The following COL9A2 variants were observed in gnomAD, a reference collection of about 807,000 sequenced individuals.
COL9A2 encodes the protein collagen alpha-2(IX) chain.
COL9A2 carries 66 observed loss-of-function variants against 111.6 expected under a neutral mutation model. The ratio of observed to expected loss-of-function variants is 0.59; its 90% CI spans 0.48 to 0.73. COL9A2 has a LOEUF of 0.73. Among genes scored for constraint, COL9A2 ranks in the 30% least tolerant of loss-of-function variants. The pLI is 0.00. For synonymous variants in COL9A2, 353 were observed against 364.1 expected (o/e 0.97, Z 0.35); for missense variants, 881 against 954.1 (o/e 0.92, Z 1.01).
chr1:40,302,887 TTCCGATG>T lies in COL9A2; in HGVS notation c.1604-85_1604-79del. 4.3e-6 allele frequency: 6 copies of T among 1,405,464 alleles called. No homozygotes were observed. The highest frequency in any genetic ancestry group is 5.9e-6 in the Non-Finnish European group (6 of 1,025,132). The allele number at this position is 1,405,464 out of a possible 1,614,324, so 87.1% of individuals were successfully genotyped here. ...CAGTAACACTAGGGGAGGCAGAGCATTCCGATGGGCCCTGGCCCCTAGGTTTGCAGAC... is the reference window on the plus strand; with the variant it reads ...CAGTAACACTAGGGGAGGCAGAGCATGGCCCTGGCCCCTAGGTTTGCAGAC... On this transcript the variant is annotated intron_variant, in intron 29 of 31. Transcript: ENST00000372748. The surrounding 1 kb of genome is among the most constrained non-coding windows in gnomAD (Gnocchi z 4.5).
Position 40,310,089 on chromosome 1 carries a change from A to G in COL9A2, c.792+22T>C, listed in dbSNP as rs1644096857. 2 of 1,613,856 alleles carry G rather than the reference A, an allele frequency of 1.2e-6. No homozygotes were observed. The highest frequency in any genetic ancestry group is 3.3e-5 in the Admixed American group (2 of 60,026). On this transcript the variant is annotated intron_variant, in intron 15 of 31. Coordinates refer to ENST00000372748, the MANE Select transcript of COL9A2 (RefSeq NM_001852.4). The surrounding 1 kb of genome is among the most constrained non-coding windows in gnomAD (Gnocchi z 4.9). ...CTGTAGGAGCTCCAGCCTCAGGGGT[A>G]GGGGAGCAAAAAGAGGCTTACCGGT...
Position 40,317,272 on chromosome 1 carries a change from C to T in COL9A2, c.-75G>A. On this transcript the variant is annotated 5_prime_UTR_variant, in exon 1 of 32. Transcript: ENST00000372748. The surrounding 1 kb of genome is among the most constrained non-coding windows in gnomAD (Gnocchi z 4.3). ...ACGGCAGAGTCTCCCGGCGCTCCTCCAGCGCTGGCTGTTCGCGGGCAGGGT... is the reference window on the plus strand; with the variant it reads ...ACGGCAGAGTCTCCCGGCGCTCCTCTAGCGCTGGCTGTTCGCGGGCAGGGT... 2 of 1,094,764 alleles carry T rather than the reference C, an allele frequency of 1.8e-6. No homozygotes were observed. The highest frequency in any genetic ancestry group is 2.1e-5 in the Admixed American group (1 of 47,884). 67.8% of individuals were successfully genotyped at this position (1,094,764 alleles called of 1,614,324 possible).
At position 40,312,647 on chromosome 1, in the gene COL9A2, TC is replaced by T. The variant is rs1190450529; in HGVS notation, c.304-39del. On this transcript the variant is annotated intron_variant, in intron 5 of 31. Transcript: ENST00000372748. The surrounding 1 kb of genome is among the most constrained non-coding windows in gnomAD (Gnocchi z 6.0). Reference sequence around the variant, plus strand: ...CGAGAAAGGCTCAGAGGCTGGGGTTTCCCCGGCTCCTACTTCCTCTCTACAG... The same window carrying T: ...CGAGAAAGGCTCAGAGGCTGGGGTTTCCCGGCTCCTACTTCCTCTCTACAG... 1.2e-6 allele frequency: 2 copies of T among 1,610,264 alleles called. No homozygotes were observed. The highest frequency in any genetic ancestry group is 1.7e-6 in the Non-Finnish European group (2 of 1,178,340).
chr1:40,312,079 T>A lies in COL9A2; in HGVS notation c.397A>T (p.Ile133Phe), dbSNP rs1189456880. ...PPGPVGLPGE[I>F]GIRGPKGDPG... is the part of the protein sequence containing the mutation. Reference sequence around the variant, plus strand: ...CTCACCTTGGGGCCTCGGATTCCAATCTCACCAGGGAGGCCAACAGGTCCA... The same window carrying A: ...CTCACCTTGGGGCCTCGGATTCCAAACTCACCAGGGAGGCCAACAGGTCCA... Residue 133 changes from isoleucine (I) to phenylalanine (F), a missense_variant, in exon 8 of 32, where the codon ATT (isoleucine) becomes TTT (phenylalanine). Transcript: ENST00000372748. This position sits in a 1 kb window ranked among gnomAD's most constrained non-coding sequence, Gnocchi z 6.0. 2.5e-6 allele frequency: 4 copies of A among 1,602,230 alleles called. No homozygotes were observed. The highest frequency in any genetic ancestry group is 1.7e-5 in the Admixed American group (1 of 57,206).
At position 40,310,809 on chromosome 1, in the gene COL9A2, A is replaced by G. The variant is rs1644111602; in HGVS notation, c.631-42T>C. On this transcript the variant is annotated intron_variant, in intron 12 of 31. Coordinates refer to ENST00000372748, the MANE Select transcript of COL9A2 (RefSeq NM_001852.4). This position sits in a 1 kb window ranked among gnomAD's most constrained non-coding sequence, Gnocchi z 4.9. ...AGCTGTCAGACAGGCAGGCAGATGG[A>G]AAGACACATATACAGACAAGCAAAG... 6 of 1,494,010 alleles carry G rather than the reference A, an allele frequency of 4.0e-6. No homozygotes were observed. The highest frequency in any genetic ancestry group is 5.5e-6 in the Non-Finnish European group (6 of 1,094,848). 92.5% of individuals were successfully genotyped at this position (1,494,010 alleles called of 1,614,324 possible). A position where few individuals can be genotyped will look rare whatever the true frequency, so the allele number is the denominator to read the frequency against.
chr1:40,301,176 T>G lies in COL9A2; in HGVS notation c.*6A>C, dbSNP rs775823584. Reference sequence around the variant, plus strand: ...ATGCCTGCCAGGCTCTGTCTGGGCCTGATGCTCAAGGCCCCTTGATGGATC... The same window carrying G: ...ATGCCTGCCAGGCTCTGTCTGGGCCGGATGCTCAAGGCCCCTTGATGGATC... On this transcript the variant is annotated 3_prime_UTR_variant, in exon 32 of 32. Coordinates refer to ENST00000372748, the MANE Select transcript of COL9A2 (RefSeq NM_001852.4). 3.1e-6 allele frequency: 5 copies of G among 1,612,816 alleles called. No individual in the cohort carries two copies. The highest frequency in any genetic ancestry group is 4.2e-6 in the Non-Finnish European group (5 of 1,179,962).
Position 40,303,359 on chromosome 1 carries a change from G to T in COL9A2, c.1548+171C>A, listed in dbSNP as rs1427949292. 6.6e-6 allele frequency among the ~76,000 whole-genome samples: 1 copy of T among 152,124 alleles called. No homozygotes were observed. Among genetic ancestry groups the T allele is most frequent in the Non-Finnish European group, 1.5e-5 (1 of 68,008 alleles). On this transcript the variant is annotated intron_variant, in intron 28 of 31. Transcript: ENST00000372748. This position sits in a 1 kb window ranked among gnomAD's most constrained non-coding sequence, Gnocchi z 4.6. ...GGCCAAGGGCTTACTTGGGAAGGTC[G>T]CGGGGTAATCCCTCAGGCTGCACTC...
intron 30 of COL9A2, 69 bp from the exon 31 acceptor site, chr1:40,301,958 T>C: frequency 6.9e-7 from 1 of 1,455,254 alleles, no homozygotes; most frequent in Non-Finnish European, 9.5e-7. Flanking sequence ...TTTTGCTATG[T>C]TTCACGCAAA....
chr1:40,305,819 G>A (rs1411708487), intron 20 of COL9A2, 51 bp from the exon 21 acceptor site: 1 of 1,554,932 alleles, frequency 6.4e-7, no homozygotes. Context: ...TCAGGCCCTT[G>A]GCCTCAGGGA....
Position 40,312,179 on chromosome 1 carries a change from G to T in COL9A2, c.364-67C>A. ...CAGATACCCTGGGCACAAAGGTAGA[G>T]ACAGGCACCCAAAGCCCGTTTCTCC... is the stretch of plus-strand genomic sequence containing the variant. On this transcript the variant is annotated intron_variant, in intron 7 of 31. Coordinates refer to ENST00000372748, the MANE Select transcript of COL9A2 (RefSeq NM_001852.4). The surrounding 1 kb of genome is among the most constrained non-coding windows in gnomAD (Gnocchi z 6.0). The T allele has an allele frequency of 1.5e-6, 2 of 1,368,688 alleles. No individual in the cohort carries two copies. The highest frequency in any genetic ancestry group is 2.0e-6 in the Non-Finnish European group (2 of 977,788). 84.8% of individuals were successfully genotyped at this position (1,368,688 alleles called of 1,614,324 possible).
Position 40,304,058 on chromosome 1 carries a change from A to T in COL9A2, c.1323+6T>A. 1 of 1,580,152 alleles carries T rather than the reference A, an allele frequency of 6.3e-7. No homozygotes were observed. Among genetic ancestry groups the T allele is most frequent in the East Asian group, 2.3e-5 (1 of 43,524 alleles). ...GGTCGCTGGGAACAGGGGTGCTGGA[A>T]CTCACCACTTTGCCGCGGGGCCCGG... On this transcript the variant is annotated splice_donor_region_variant and intron_variant, in intron 25 of 31. Coordinates refer to ENST00000372748, the MANE Select transcript of COL9A2 (RefSeq NM_001852.4).
At position 40,310,040 on chromosome 1, in the gene COL9A2, G is replaced by A; in HGVS notation, c.793-49C>T. 1.2e-6 allele frequency: 2 copies of A among 1,613,742 alleles called. No homozygotes were observed. Among genetic ancestry groups the A allele is most frequent in the African/African-American group, 1.3e-5 (1 of 75,034 alleles). ...TCCAGGTCACACAGGCTCAGGGGGAGCCATGCCCACTCTGTGGCTGTAGCT... is the reference window on the plus strand; with the variant it reads ...TCCAGGTCACACAGGCTCAGGGGGAACCATGCCCACTCTGTGGCTGTAGCT... On this transcript the variant is annotated intron_variant, in intron 15 of 31. Coordinates refer to ENST00000372748, the MANE Select transcript of COL9A2 (RefSeq NM_001852.4). This position sits in a 1 kb window ranked among gnomAD's most constrained non-coding sequence, Gnocchi z 4.9.
chr1:40,301,723 A>G, intron 31 of COL9A2, 89 bp downstream of exon 31: 1 of 1,270,198 alleles, frequency 7.9e-7, no homozygotes, highest in Non-Finnish European at 1.1e-6. Context: ...GCTGAGCGTG[A>G]GGCCGCCATG....
chr1:40,307,801 T>C lies in COL9A2; in HGVS notation c.901-45A>G. ...AAGGGAGAGTGATAATGCGGAGATGTCTGGGGTCTGGCCACCCACCCCTGT... is the reference window on the plus strand; with the variant it reads ...AAGGGAGAGTGATAATGCGGAGATGCCTGGGGTCTGGCCACCCACCCCTGT... On this transcript the variant is annotated intron_variant, in intron 17 of 31. Coordinates refer to ENST00000372748, the MANE Select transcript of COL9A2 (RefSeq NM_001852.4). The surrounding 1 kb of genome is among the most constrained non-coding windows in gnomAD (Gnocchi z 4.8). 1 of 1,601,840 alleles carries C rather than the reference T, an allele frequency of 6.2e-7. No individual in the cohort carries two copies. Among genetic ancestry groups the C allele is most frequent in the Non-Finnish European group, 8.6e-7 (1 of 1,169,472 alleles).
chr1:40,315,718 G>A (rs956620937), intron 1 of COL9A2, 54 bp from the exon 2 acceptor site: 2 of 1,374,318 alleles, frequency 1.5e-6, no homozygotes, highest in East Asian at 5.1e-5. Flanking sequence ...GAAGCTGGGC[G>A]TCCCCGGGGC....
intron 21 of COL9A2, 99 bp from the exon 22 acceptor site, chr1:40,304,946 C>T: frequency 1.9e-6 from 2 of 1,063,416 alleles, no homozygotes. Context: ...AGCTAATTTG[C>T]TTCATCAGGG....
Position 40,316,535 on chromosome 1 carries a change from C to A in COL9A2, c.75+588G>T. The A allele has an allele frequency of 2.2e-6, 1 of 447,898 alleles. No individual in the cohort carries two copies. Among genetic ancestry groups the A allele is most frequent in the Non-Finnish European group, 4.5e-6 (1 of 223,278 alleles). 27.7% of individuals were successfully genotyped at this position (447,898 alleles called of 1,614,324 possible). ...GCCCTTTTAAGAGGCCAGCTCGGACCCAGGCAGGGGTCCCGGTGCCCACGA... is the reference window on the plus strand; with the variant it reads ...GCCCTTTTAAGAGGCCAGCTCGGACACAGGCAGGGGTCCCGGTGCCCACGA... On this transcript the variant is annotated intron_variant, in intron 1 of 31. Coordinates refer to ENST00000372748, the MANE Select transcript of COL9A2 (RefSeq NM_001852.4). The surrounding 1 kb of genome is among the most constrained non-coding windows in gnomAD (Gnocchi z 5.5).
Position 40,310,271 on chromosome 1 carries a change from C to A in COL9A2, c.731G>T (p.Gly244Val). ...ACCCCAAGATTCACTTACCGTCTCTCCCTTGGGCCCTGCCATGCCTGGGTA... is the reference window on the plus strand; with the variant it reads ...ACCCCAAGATTCACTTACCGTCTCTACCTTGGGCCCTGCCATGCCTGGGTA... ...RGYPGMAGPK[G>V]ETGPHGYKGM... Residue 244 changes from glycine (G) to valine (V), a missense_variant, in exon 14 of 32, where the codon GGA (glycine) becomes GTA (valine). Coordinates refer to ENST00000372748, the MANE Select transcript of COL9A2 (RefSeq NM_001852.4). This position sits in a 1 kb window ranked among gnomAD's most constrained non-coding sequence, Gnocchi z 4.9. The A allele has an allele frequency of 4.3e-6, 7 of 1,614,138 alleles. No individual in the cohort carries two copies. Among genetic ancestry groups the A allele is most frequent in the Non-Finnish European group, 5.9e-6 (7 of 1,179,998 alleles).
rs990178539 is a variant in COL9A2 at position 40,303,407 on chromosome 1, G to T, written c.1548+123C>A. On this transcript the variant is annotated intron_variant, in intron 28 of 31. Transcript: ENST00000372748. This position sits in a 1 kb window ranked among gnomAD's most constrained non-coding sequence, Gnocchi z 4.6. ...CTCACAGCCTTCCTGTCTGCTCTGG[G>T]GCTTGGAACCAGTCTCGGGGAAGTC... The T allele has an allele frequency of 9.2e-6, 13 of 1,410,024 alleles. No individual in the cohort carries two copies. The highest frequency in any genetic ancestry group is 1.2e-5 in the Non-Finnish European group (12 of 1,021,988). The allele number at this position is 1,410,024 out of a possible 1,614,324, so 87.3% of individuals were successfully genotyped here.
Sources: allele counts gnomAD v4.1 joint callset (sites outside exome capture counted in the v4.1 genomes callset), GRCh38; gene constraint gnomAD v4.1.1; non-coding constraint Gnocchi (gnomAD v3.1); transcripts MANE v1.5; gene names NCBI Gene and HGNC (gene_info 2026-07-23, HGNC 2026-07-21).